TSC22D1: variants seen among roughly 807,000 people sequenced by gnomAD.
TSC22D1 encodes TSC22 domain family member 1.
In TSC22D1, 9 loss-of-function variants were observed where a neutral mutation model predicts 74.2. The observed-to-expected ratio is 0.12, with a 90% CI of 0.07 to 0.21. TSC22D1 has a LOEUF of 0.21. Ranked by LOEUF, TSC22D1 falls within the 10% of genes least tolerant of loss-of-function variation. TSC22D1 has a pLI of 1.00. For missense variants in TSC22D1, 1,427 were observed against 1,304.7 expected, an observed-to-expected ratio of 1.09 and a Z score of -1.44; for synonymous variants, 586 against 492.5, an observed-to-expected ratio of 1.19 and a Z score of -2.51.
intron 1 of TSC22D1, among the ~76,000 whole-genome samples, chr13:44,552,409 G>C (rs183454375): frequency 6.6e-6 from 1 of 152,170 alleles, no homozygotes; most frequent in African/African-American, 2.4e-5. Context: ...ATTGAAGCAC[G>C]TAACAAACTG....
intron 1 of TSC22D1, among the ~76,000 whole-genome samples, chr13:44,562,105 T>C (rs933729693): frequency 2.6e-5 from 4 of 152,130 alleles, no homozygotes; most frequent in Admixed American, 2.0e-4. Flanking sequence ...AGTGGCGCCA[T>C]CTCACCTCAC....
chr13:44,486,638 A>T (rs1025244453), intron 1 of TSC22D1, among the ~76,000 whole-genome samples: 3 of 152,190 alleles, frequency 2.0e-5, no homozygotes, highest in Admixed American at 2.0e-4. Context: ...CAGCCTCAAA[A>T]TTAAAGAATT....
rs1883950771 is a variant in TSC22D1, at chr13:44,573,716, G to T, written c.2359C>A (p.Gln787Lys). Residue 787 changes from glutamine (Q) to lysine (K), a missense_variant, in exon 1 of 3, where the codon CAA becomes AAA. Physicochemically the swap from Gln to Lys is moderately conservative, Grantham distance 53 (BLOSUM62 1). Transcript: ENST00000458659. ...GAACTTTGGGATGCAATAACCAATT[G>T]TTGAGGAAGGCTTGGAGCACTAGTT... ...VQTSAPSLPQ[Q>K]LVIASQSSLL... is the part of the protein sequence containing the mutation. 6.2e-7 allele frequency: 1 copy of T among 1,614,100 alleles called. No homozygotes were observed. Among genetic ancestry groups the T allele is most frequent in the Non-Finnish European group, 8.5e-7 (1 of 1,180,046 alleles).
chr13:44,500,031 G>A (rs1342583095), intron 1 of TSC22D1, among the ~76,000 whole-genome samples: 1 of 150,634 alleles, frequency 6.6e-6, no homozygotes, highest in Non-Finnish European at 1.5e-5. Flanking sequence ...AGGTTGCAGT[G>A]AGCTGAGATG....
intron 1 of TSC22D1, among the ~76,000 whole-genome samples, chr13:44,441,389 C>T (rs1875188438): frequency 6.6e-6 from 1 of 152,096 alleles, no homozygotes; most frequent in Admixed American, 6.5e-5. Flanking sequence ...GAAAACAGAG[C>T]AAGGAAGAAA....
At position 44,444,596 on chromosome 13, in the gene TSC22D1, A is replaced by C. The variant is rs370454901; in HGVS notation, c.2913-8501T>G. ...GAATAAAGGTCATTATAATGATAAAAGGTCGATTTTATCATTATGTTCTCT... is the reference window on the plus strand; with the variant it reads ...GAATAAAGGTCATTATAATGATAAACGGTCGATTTTATCATTATGTTCTCT... On this transcript the variant is annotated intron_variant, in intron 1 of 2. Transcript: ENST00000458659. 2.6e-5 allele frequency among the ~76,000 whole-genome samples: 4 copies of C among 152,092 alleles called. No homozygotes were observed. The East Asian group carries it at 7.7e-4, about 29-fold the overall frequency.
At chr13:44,436,633 T>C (rs1206878432) in intron 1 of TSC22D1, 4 of 1,603,868 alleles carry the variant, frequency 2.5e-6, no homozygotes, top group African/African-American at 2.7e-5. Flanking sequence ...TTTCATGCAA[T>C]TGCAGCCAAA....
chr13:44,576,346 A>C (rs1595187518), upstream of TSC22D1: 4 of 427,048 alleles, frequency 9.4e-6, no homozygotes, highest in South Asian at 4.8e-5. Flanking sequence ...CTAGCCTCAC[A>C]CCCCCCTTTA....
In TSC22D1 at chr13:44,549,854, T is replaced by C. The variant is rs181615114; in HGVS notation, c.2912+23309A>G. On this transcript the variant is annotated intron_variant, in intron 1 of 2. Transcript: ENST00000458659. ...AACCAAGCTAGCTGTGTCTGTCAAC[T>C]ACTCATCTGGTAGTTGATTTCTATA... 1.7e-3 allele frequency among the ~76,000 whole-genome samples: 253 copies of C among 151,446 alleles called. 1 individual carries two copies. The highest frequency in any genetic ancestry group is 5.7e-3 in the African/African-American group (237 of 41,300).
intron 1 of TSC22D1, among the ~76,000 whole-genome samples, chr13:44,546,749 C>CGTGTGTGTGTGTGTGT (rs58111185): frequency 1.0e-3 from 153 of 146,738 alleles, no homozygotes; most frequent in African/African-American, 1.5e-3. Flanking sequence ...GTGTGAAATA[C>CGTGTGTGTGTGTGTGT]GTGTGTGTGT....
chr13:44,448,493 T>C (rs1488098037), intron 1 of TSC22D1, among the ~76,000 whole-genome samples: 1 of 152,166 alleles, frequency 6.6e-6, no homozygotes, highest in African/African-American at 2.4e-5. Flanking sequence ...TTTAAGGATA[T>C]TACCTAGCTC....
intron 1 of TSC22D1, among the ~76,000 whole-genome samples, chr13:44,568,409 CAAAGAGGT>C (rs371241547): frequency 7.8e-4 from 119 of 151,998 alleles, no homozygotes; most frequent in African/African-American, 2.7e-3. Context: ...GAAAACTAGG[CAAAGAGGT>C]AAAAAAAGAC....
At chr13:44,501,083 G>A (rs1366729262) in intron 1 of TSC22D1, among the ~76,000 whole-genome samples, 1 of 152,164 alleles carries the variant, frequency 6.6e-6, no homozygotes, top group African/African-American at 2.4e-5. Context: ...TCATTTTCCA[G>A]GTAGTACCAG....
At position 44,468,643 on chromosome 13, in the gene TSC22D1, A is replaced by T. The variant is rs937128741; in HGVS notation, c.2913-32548T>A. Among the ~76,000 whole-genome samples the T allele has an allele frequency of 2.7e-5, 4 of 149,838 alleles. 1 individual carries two copies. Among genetic ancestry groups the T allele is most frequent in the Non-Finnish European group, 6.0e-5 (4 of 66,874 alleles). On this transcript the variant is annotated intron_variant, in intron 1 of 2. Coordinates refer to ENST00000458659, the MANE Select transcript of TSC22D1 (RefSeq NM_183422.4). Reference sequence around the variant, plus strand: ...TGAGGTAGCTGGTATTTAATCCAGCATTTGGGAACCGCTATACTATGGGAA... The same window carrying T: ...TGAGGTAGCTGGTATTTAATCCAGCTTTTGGGAACCGCTATACTATGGGAA...
rs199678524 is a variant in TSC22D1, at chr13:44,434,619, T to C, written c.*7A>G. ...CGCAGCAGCCAGTTCTGCGGGGGCA[T>C]AGGCAGCTATGCGGTTGGTCCTGAG... On this transcript the variant is annotated 3_prime_UTR_variant, in exon 3 of 3. Transcript: ENST00000458659. The C allele has an allele frequency of 5.3e-5, 80 of 1,521,178 alleles. No homozygotes were observed. The highest frequency in any genetic ancestry group is 6.4e-5 in the Non-Finnish European group (73 of 1,137,666). 94.2% of individuals were successfully genotyped at this position (1,521,178 alleles called of 1,614,324 possible). A position where few individuals can be genotyped will look rare whatever the true frequency, so the allele number is the denominator to read the frequency against.
At chr13:44,537,428 G>A (rs1362393883) in intron 1 of TSC22D1, 1 of 984,832 alleles carries the variant, frequency 1.0e-6, no homozygotes, top group East Asian at 1.1e-4. Flanking sequence ...ATCAAAGCAT[G>A]AGATTAAGAG....
In TSC22D1 at chr13:44,536,926, GAAAAA is replaced by G. The variant is rs10596156; in HGVS notation, c.2912+36232_2912+36236del. The G allele has an allele frequency of 3.8e-3, 1,890 of 494,230 alleles. 11 individuals are homozygous for G. The highest frequency in any genetic ancestry group is 0.038 in the African/African-American group (799 of 21,262). 30.6% of individuals were successfully genotyped at this position (494,230 alleles called of 1,614,324 possible). A position where few individuals can be genotyped will look rare whatever the true frequency, so the allele number is the denominator to read the frequency against. On this transcript the variant is annotated intron_variant, in intron 1 of 2. Coordinates refer to ENST00000458659, the MANE Select transcript of TSC22D1 (RefSeq NM_183422.4). ...TAACAGTTCAAAAAAGTATTTTTCTGAAAAAAAAAAAAAAAAAAAAAAAAAAAAAA... is the reference window on the plus strand; with the variant it reads ...TAACAGTTCAAAAAAGTATTTTTCTGAAAAAAAAAAAAAAAAAAAAAAAAA...
At position 44,468,743 on chromosome 13, in the gene TSC22D1, T is replaced by C. The variant is rs778152880; in HGVS notation, c.2913-32648A>G. 6.7e-5 allele frequency among the ~76,000 whole-genome samples: 10 copies of C among 150,096 alleles called. 2 individuals carry two copies. Among genetic ancestry groups the C allele is most frequent in the Non-Finnish European group, 1.3e-4 (9 of 66,996 alleles). ...AACAGTATCTCCTATTACTGGTCTT[T>C]ATATCAAGAAATATTATCATCTTTA... On this transcript the variant is annotated intron_variant, in intron 1 of 2. Coordinates refer to ENST00000458659, the MANE Select transcript of TSC22D1 (RefSeq NM_183422.4).
chr13:44,498,572 T>G (rs565132007), intron 1 of TSC22D1, among the ~76,000 whole-genome samples: 1 of 152,276 alleles, frequency 6.6e-6, no homozygotes, highest in African/African-American at 2.4e-5. Context: ...ATCAACTAGA[T>G]AATCCCCCAG....
Sources: allele counts gnomAD v4.1 joint callset (sites outside exome capture counted in the v4.1 genomes callset), GRCh38; gene constraint gnomAD v4.1.1; transcripts MANE v1.5; gene names NCBI Gene and HGNC (gene_info 2026-07-23, HGNC 2026-07-21).